The following NBEAL1 variants were observed in gnomAD, a reference collection of about 807,000 sequenced individuals.
The protein encoded by NBEAL1 is neurobeachin like 1.
In NBEAL1, 273 loss-of-function variants were observed where a neutral mutation model predicts 351.3. That is an observed-to-expected ratio of 0.78 (90% confidence interval 0.70 to 0.86). The LOEUF is 0.86. Among genes scored for constraint, NBEAL1 ranks in the 40% least tolerant of loss-of-function variants. The pLI is 0.00. For missense variants in NBEAL1, 2,961 were observed against 3,201.3 expected, an observed-to-expected ratio of 0.92 and a Z score of 1.81; for synonymous variants, 1,050 against 1,086.4, an observed-to-expected ratio of 0.97 and a Z score of 0.66.
At chr2:203,190,984 G>C in intron 46 of NBEAL1, 1 of 1,607,186 alleles carries the variant, frequency 6.2e-7, no homozygotes, top group South Asian at 1.1e-5. Flanking sequence ...GAACAGACAG[G>C]CCCAGATTGA....
At chr2:203,094,648 T>G (rs1574960621) in intron 10 of NBEAL1, among the ~76,000 whole-genome samples, 1 of 152,240 alleles carries the variant, frequency 6.6e-6, no homozygotes, top group African/African-American at 2.4e-5. Context: ...GCTTCTCGGC[T>G]TGGCAAATGA....
rs553495372 is a variant in NBEAL1, at chr2:203,087,772, A to G, written c.1098+3203A>G. ...GTATCTTTTAGAAGTCTGTGGGGTG[A>G]CACTTAAACTTTTTGTGTTTCATAC... On this transcript the variant is annotated intron_variant, in intron 10 of 55. Transcript: ENST00000683969. Among the ~76,000 whole-genome samples, 6 of 152,294 alleles carry G rather than the reference A, an allele frequency of 3.9e-5. No homozygotes were observed. In the East Asian group the frequency reaches 1.2e-3, roughly 29 times the overall value.
intron 7 of NBEAL1, among the ~76,000 whole-genome samples, chr2:203,075,890 A>T (rs1021509199): frequency 6.6e-6 from 1 of 152,210 alleles, no homozygotes; most frequent in African/African-American, 2.4e-5. Context: ...CATGCGTAGT[A>T]CCAGTTATTC....
chr2:203,190,304 TGGA>T lies in NBEAL1; in HGVS notation c.6837_6839del (p.Asp2280del). On this transcript the variant is annotated inframe_deletion, in exon 46 of 56. Transcript: ENST00000683969. Reference sequence around the variant, plus strand: ...CTTCTGGTTTTAGGAGCTGTGGATCTGGATGCCTTAACAGATGAGAAAGAAAGA... The same window carrying T: ...CTTCTGGTTTTAGGAGCTGTGGATCTTGCCTTAACAGATGAGAAAGAAAGA... The T allele has an allele frequency of 6.2e-7, 1 of 1,609,204 alleles. No individual in the cohort carries two copies. Among genetic ancestry groups the T allele is most frequent in the East Asian group, 2.2e-5 (1 of 44,858 alleles).
In NBEAL1 at chr2:203,084,544, TC is replaced by T. The variant is rs760280211; in HGVS notation, c.1074del (p.Ile359TyrfsTer11). 1 of 1,536,368 alleles carries T rather than the reference TC, an allele frequency of 6.5e-7. No individual in the cohort carries two copies. The highest frequency in any genetic ancestry group is 1.4e-5 in the African/African-American group (1 of 72,802). ...CTTAACAGCAATTGCTTTGAACATC[TC>T]ATACGACTGCTACAGAACTGCAAGG... ...IFLNSNCFEH[L>X]IRLLQNCKLF... On this transcript the variant is annotated frameshift_variant, in exon 10 of 56. Coordinates refer to ENST00000683969, the MANE Select transcript of NBEAL1 (RefSeq NM_001378026.1). LOFTEE classifies it high-confidence loss of function.
Position 203,204,322 on chromosome 2 carries a change from T to A in NBEAL1, c.7506+1541T>A, listed in dbSNP as rs572456078. 4.0e-5 allele frequency among the ~76,000 whole-genome samples: 6 copies of A among 149,678 alleles called. No homozygotes were observed. The East Asian group carries it at 1.2e-3, about 29-fold the overall frequency. ...ATGTTAATTTGGTTTGGGGGTTTTT[T>A]GGTTTTTTTTTTTTTTTTTTGAGGC... is the stretch of plus-strand genomic sequence containing the variant. On this transcript the variant is annotated intron_variant, in intron 51 of 55. Transcript: ENST00000683969.
At chr2:203,210,459 A>G (rs759710817) in intron 53 of NBEAL1, among the ~76,000 whole-genome samples, 29 of 151,908 alleles carry the variant, frequency 1.9e-4, no homozygotes, top group Middle Eastern at 3.4e-3. Flanking sequence ...CAGGAGATCG[A>G]GACCATCCTA....
chr2:203,181,761 GGGCATCACA>G (rs1413367410), intron 43 of NBEAL1: 14 of 152,168 alleles, frequency 9.2e-5, no homozygotes, highest in Admixed American at 8.5e-4. Context: ...GTTGGAGGCA[GGGCATCACA>G]GTAAGGCAGT....
At chr2:203,158,992 A>AT (rs1365540034) in intron 36 of NBEAL1, among the ~76,000 whole-genome samples, 4 of 150,634 alleles carry the variant, frequency 2.7e-5, no homozygotes, top group Admixed American at 6.6e-5. Flanking sequence ...TCATTTTTAA[A>AT]TTTTTTTACG....
Position 203,219,976 on chromosome 2 carries a change from T to C in NBEAL1, c.*2622T>C, listed in dbSNP as rs2065937838. On this transcript the variant is annotated 3_prime_UTR_variant, in exon 56 of 56. Transcript: ENST00000683969. ...GAAGCAAACAACTATTAGTGAATAA[T>C]ATATTACTCATTTAAAGAGTATAGC... 1 of 152,212 alleles carries C rather than the reference T, an allele frequency of 6.6e-6. No individual in the cohort carries two copies. Among genetic ancestry groups the C allele is most frequent in the South Asian group, 2.1e-4 (1 of 4,830 alleles). 9.4% of individuals were successfully genotyped at this position (152,212 alleles called of 1,614,324 possible). A position where few individuals can be genotyped will look rare whatever the true frequency, so the allele number is the denominator to read the frequency against.
chr2:203,048,435 C>A (rs952550221), intron 3 of NBEAL1, among the ~76,000 whole-genome samples: 4 of 151,744 alleles, frequency 2.6e-5, no homozygotes, highest in Non-Finnish European at 5.9e-5. Flanking sequence ...TTTCTGCCAT[C>A]CCCAGAGATG....
chr2:203,069,145 C>A (rs1444378962), intron 7 of NBEAL1, among the ~76,000 whole-genome samples: 1 of 152,186 alleles, frequency 6.6e-6, no homozygotes, highest in South Asian at 2.1e-4. Context: ...GTATAATTTG[C>A]AGACTATAAA....
In NBEAL1 at chr2:203,218,966, G is replaced by A. The variant is rs1045970190; in HGVS notation, c.*1612G>A. 6.6e-6 allele frequency: 1 copy of A among 152,128 alleles called. No homozygotes were observed. Among genetic ancestry groups the A allele is most frequent in the African/African-American group, 2.4e-5 (1 of 41,450 alleles). 9.4% of individuals were successfully genotyped at this position (152,128 alleles called of 1,614,324 possible). A position where few individuals can be genotyped will look rare whatever the true frequency, so the allele number is the denominator to read the frequency against. On this transcript the variant is annotated 3_prime_UTR_variant, in exon 56 of 56. Coordinates refer to ENST00000683969, the MANE Select transcript of NBEAL1 (RefSeq NM_001378026.1). ...ATTGTAAAATAGAACATATTTAAAT[G>A]TCAAGGTGTCTTTTCTTAAGACTTC... is the stretch of plus-strand genomic sequence containing the variant.
intron 42 of NBEAL1, among the ~76,000 whole-genome samples, chr2:203,179,500 A>T (rs143749997): frequency 8.5e-5 from 13 of 152,210 alleles, no homozygotes; most frequent in Admixed American, 2.6e-4. Flanking sequence ...GTAAATACAT[A>T]AAATTAATTA....
At chr2:203,061,021 CTTTT>C (rs968113877) in intron 6 of NBEAL1, among the ~76,000 whole-genome samples, 10 of 152,126 alleles carry the variant, frequency 6.6e-5, no homozygotes, top group Non-Finnish European at 1.3e-4. Context: ...AAAATGAGTT[CTTTT>C]AAGTATCAAA....
intron 27 of NBEAL1, 90 bp from the exon 28 acceptor site, chr2:203,135,587 A>G: frequency 1.3e-6 from 1 of 777,968 alleles, no homozygotes; most frequent in Non-Finnish European, 2.0e-6. Context: ...TCATTAAATT[A>G]CCTTATCATT....
Position 203,062,560 on chromosome 2 carries a change from A to G in NBEAL1, c.515+5107A>G, listed in dbSNP as rs1331755219. On this transcript the variant is annotated intron_variant, in intron 6 of 55. Coordinates refer to ENST00000683969, the MANE Select transcript of NBEAL1 (RefSeq NM_001378026.1). The surrounding 1 kb of genome is among the most constrained non-coding windows in gnomAD (Gnocchi z 4.2). ...CGCAGCCCAGAGACCCAAAAAGAAG[A>G]AAATTTTATATACTATTAATATAAT... 2 of 208,850 alleles carry G rather than the reference A, an allele frequency of 9.6e-6. No homozygotes were observed. The highest frequency in any genetic ancestry group is 2.0e-5 in the Non-Finnish European group (2 of 101,778). The allele number at this position is 208,850 out of a possible 1,614,324, so 12.9% of individuals were successfully genotyped here.
chr2:203,126,127 ATAAT>A, intron 21 of NBEAL1, 34 bp downstream of exon 21: 1 of 1,497,938 alleles, frequency 6.7e-7, no homozygotes, highest in Non-Finnish European at 8.9e-7. Context: ...GATGTAGCTA[ATAAT>A]TGTGATTTGC....
At position 203,217,502 on chromosome 2, in the gene NBEAL1, C is replaced by T; in HGVS notation, c.*148C>T. ...ACCACAATTTGCTGTGGTATATAAACTAATTCTTGGTCTATACTAAGATGT... is the reference window on the plus strand; with the variant it reads ...ACCACAATTTGCTGTGGTATATAAATTAATTCTTGGTCTATACTAAGATGT... On this transcript the variant is annotated 3_prime_UTR_variant, in exon 56 of 56. Coordinates refer to ENST00000683969, the MANE Select transcript of NBEAL1 (RefSeq NM_001378026.1). The T allele has an allele frequency of 7.8e-7, 1 of 1,287,334 alleles. No individual in the cohort carries two copies. The highest frequency in any genetic ancestry group is 9.8e-7 in the Non-Finnish European group (1 of 1,015,388). 79.7% of individuals were successfully genotyped at this position (1,287,334 alleles called of 1,614,324 possible). A position where few individuals can be genotyped will look rare whatever the true frequency, so the allele number is the denominator to read the frequency against.
Sources: allele counts gnomAD v4.1 joint callset (sites outside exome capture counted in the v4.1 genomes callset), GRCh38; gene constraint gnomAD v4.1.1; non-coding constraint Gnocchi (gnomAD v3.1); transcripts MANE v1.5; gene names NCBI Gene and HGNC (gene_info 2026-07-23, HGNC 2026-07-21).